DOCK1: variants seen among roughly 807,000 people sequenced by gnomAD.
DOCK1 encodes dedicator of cytokinesis 1.
In DOCK1, 138 loss-of-function variants were observed where a neutral mutation model predicts 262.7. The observed-to-expected ratio is 0.53, with a 90% CI of 0.46 to 0.61. DOCK1 has a LOEUF of 0.61. Among genes scored for constraint, DOCK1 ranks in the 20% least tolerant of loss-of-function variants. The pLI is 0.00. For missense variants in DOCK1, 1,908 were observed against 2,370.7 expected (o/e 0.80, Z 4.05); for synonymous variants, 866 against 867.4 (o/e 1.00, Z 0.03).
At chr10:127,198,774 T>G (rs1243294078) in intron 27 of DOCK1, among the ~76,000 whole-genome samples, 1 of 150,550 alleles carries the variant, frequency 6.6e-6, no homozygotes, top group East Asian at 2.0e-4. Flanking sequence ...AGGAAACCAT[T>G]TACATATTGT....
At chr10:127,158,630 C>A (rs989269867) in intron 27 of DOCK1, among the ~76,000 whole-genome samples, 11 of 152,118 alleles carry the variant, frequency 7.2e-5, no homozygotes, top group Admixed American at 7.2e-4. Flanking sequence ...AACACACTTA[C>A]CTATTTAAAG....
At chr10:127,322,420 C>T (rs569828731) in intron 29 of DOCK1, among the ~76,000 whole-genome samples, 1 of 148,948 alleles carries the variant, frequency 6.7e-6, no homozygotes, top group African/African-American at 2.6e-5. Flanking sequence ...AAACTCCTGA[C>T]CTCAAGTGAA....
chr10:127,401,112 C>T (rs2067198003), intron 38 of DOCK1, among the ~76,000 whole-genome samples: 1 of 152,088 alleles, frequency 6.6e-6, no homozygotes, highest in African/African-American at 2.4e-5. Context: ...CTCAAGAGGA[C>T]AGCTCTGACC....
intron 27 of DOCK1, among the ~76,000 whole-genome samples, chr10:127,244,281 A>C (rs1449896663): frequency 6.6e-6 from 1 of 152,150 alleles, no homozygotes; most frequent in African/African-American, 2.4e-5. Flanking sequence ...TTTATCTTGC[A>C]ACCCTACAAA....
At chr10:127,330,845 A>C (rs1033059439) in intron 29 of DOCK1, among the ~76,000 whole-genome samples, 1 of 152,246 alleles carries the variant, frequency 6.6e-6, no homozygotes, top group Non-Finnish European at 1.5e-5. Flanking sequence ...TGATTGAGCC[A>C]TGCCTCTTCG....
chr10:127,135,408 T>G (rs2050601534), intron 27 of DOCK1: 3 of 152,600 alleles, frequency 2.0e-5, no homozygotes, highest in Admixed American at 2.0e-4. Context: ...GGCCATGAAA[T>G]AAGTTTAATA....
intron 27 of DOCK1, among the ~76,000 whole-genome samples, chr10:127,165,471 G>GA (rs888967997): frequency 6.6e-6 from 1 of 152,152 alleles, no homozygotes. Context: ...CATACTGATA[G>GA]AAAAAACTTT....
At chr10:127,319,494 A>T (rs1271743363) in intron 29 of DOCK1, among the ~76,000 whole-genome samples, 1 of 152,254 alleles carries the variant, frequency 6.6e-6, no homozygotes, top group Admixed American at 6.5e-5. Context: ...CTTAGCATTA[A>T]GAAGGTAGAC....
intron 1 of DOCK1, among the ~76,000 whole-genome samples, chr10:126,927,990 G>A (rs1320772599): frequency 6.6e-6 from 1 of 152,116 alleles, no homozygotes; most frequent in East Asian, 1.9e-4. Context: ...CCTGGTCTGC[G>A]AACGCCAGTG....
chr10:127,447,040 C>A (rs1217134787), intron 50 of DOCK1, among the ~76,000 whole-genome samples: 1 of 152,190 alleles, frequency 6.6e-6, no homozygotes, highest in Non-Finnish European at 1.5e-5. Flanking sequence ...CGGAGACGGT[C>A]CTGTGGCACC....
At chr10:126,982,492 TA>T (rs35982574) in intron 4 of DOCK1, among the ~76,000 whole-genome samples, 28,819 of 152,132 alleles carry the variant, frequency 0.19, 3,387 homozygotes, top group East Asian at 0.61. Context: ...AGGAACCCAT[TA>T]GGCAGGAATG....
At chr10:127,303,008 A>T (rs1250863794) in intron 29 of DOCK1, among the ~76,000 whole-genome samples, 1 of 152,192 alleles carries the variant, frequency 6.6e-6, no homozygotes, top group Non-Finnish European at 1.5e-5. Context: ...TTAAGTTTAT[A>T]ATCAGAAACA....
At chr10:127,260,123 C>T (rs2059969866) in intron 29 of DOCK1, among the ~76,000 whole-genome samples, 1 of 152,226 alleles carries the variant, frequency 6.6e-6, no homozygotes, top group Non-Finnish European at 1.5e-5. Flanking sequence ...GCCAGCACCC[C>T]TACTCACTAG....
intron 1 of DOCK1, among the ~76,000 whole-genome samples, chr10:126,957,107 G>A (rs2036806361): frequency 6.6e-6 from 1 of 152,216 alleles, no homozygotes; most frequent in Non-Finnish European, 1.5e-5. Context: ...CAGGCACTAG[G>A]CTTTATTGTT....
intron 27 of DOCK1, among the ~76,000 whole-genome samples, chr10:127,203,985 C>T (rs750003396): frequency 2.0e-5 from 3 of 151,632 alleles, no homozygotes; most frequent in Non-Finnish European, 2.9e-5. Flanking sequence ...TTAGAAACTC[C>T]AGTGTCCATA....
intron 1 of DOCK1, among the ~76,000 whole-genome samples, chr10:126,920,144 T>C (rs1174940998): frequency 3.3e-5 from 5 of 152,000 alleles, no homozygotes; most frequent in Admixed American, 6.6e-5. Context: ...GATAAATATG[T>C]GGCGATGTTG....
chr10:127,284,465 T>C (rs1301869682), intron 29 of DOCK1, among the ~76,000 whole-genome samples: 2 of 152,228 alleles, frequency 1.3e-5, no homozygotes, highest in Non-Finnish European at 2.9e-5. Flanking sequence ...GTAAGTTGAT[T>C]TTTTAAATTG....
At chr10:126,917,195 A>G (rs959237118) in intron 1 of DOCK1, among the ~76,000 whole-genome samples, 3 of 152,216 alleles carry the variant, frequency 2.0e-5, no homozygotes, top group Admixed American at 6.5e-5. Flanking sequence ...GCGTGTGAAC[A>G]TTCACAGCAC....
At chr10:127,343,505 A>G in intron 30 of DOCK1, 141 bp from the exon 31 acceptor site, 1 of 639,826 alleles carries the variant, frequency 1.6e-6, no homozygotes, top group Non-Finnish European at 2.6e-6. Context: ...GCTGGTTAGC[A>G]ACATGTATAG....
Sources: gnomAD v4.1 joint callset for allele counts (sites outside exome capture counted in the v4.1 genomes callset) on GRCh38, gnomAD v4.1.1 for gene constraint, MANE v1.5 for transcripts, NCBI Gene and HGNC (gene_info 2026-07-23, HGNC 2026-07-21) for gene names.